Variants in OAS2 observed in about 807,000 individuals in gnomAD.
OAS2 encodes the protein 2'-5'-oligoadenylate synthase 2.
OAS2 carries 67 observed loss-of-function variants against 71.3 expected under a neutral mutation model. That is an observed-to-expected ratio of 0.94 (90% CI 0.77 to 1.15). OAS2 has a LOEUF of 1.15. OAS2 is among the 50% of genes most tolerant of loss of function. The pLI is 0.00. For synonymous variants in OAS2, 327 were observed against 321.8 expected (o/e 1.02, Z -0.17); for missense variants, 789 against 822.5 (o/e 0.96, Z 0.50).
rs1364941797 is a variant in OAS2, at chr12:113,005,355, T to C, written c.1468+133T>C. On this transcript the variant is annotated intron_variant, in intron 7 of 9. Transcript: ENST00000392583. The stretch of plus-strand genomic sequence containing the variant: ...TGGCCCCAGCAAGTGGCATTAGTCA[T>C]GGCAGTAATACTTCACACTTGTAGA... 7.3e-6 allele frequency: 6 copies of C among 822,970 alleles called. No homozygotes were observed. In the African/African-American group the frequency reaches 8.5e-5, roughly 12 times the overall value. The allele number at this position is 822,970 out of a possible 1,614,324, so 51.0% of individuals were successfully genotyped here.
intron 7 of OAS2, among the ~76,000 whole-genome samples, chr12:113,005,918 C>CAAAAA (rs138299398): frequency 5.7e-4 from 28 of 49,048 alleles, no homozygotes; most frequent in Non-Finnish European, 7.2e-4. Flanking sequence ...ACAACAACAA[C>CAAAAA]AAAAAAAAAA....
rs149407324 is a variant in OAS2 at position 113,005,062 on chromosome 12, T to C, written c.1308T>C (p.His436=). ...GGCACAAAATCGTCAAGGAAATCCATGAACAGCTGAAAGCCTTTTGGAGGG... is the reference window on the plus strand; with the variant it reads ...GGCACAAAATCGTCAAGGAAATCCACGAACAGCTGAAAGCCTTTTGGAGGG... The part of the protein sequence containing the change: ...NERHKIVKEI[H]EQLKAFWREK... Residue 436 remains histidine, a synonymous_variant, in exon 7 of 10, where the codon CAT becomes CAC. Coordinates refer to ENST00000392583, the MANE Select transcript of OAS2 (RefSeq NM_002535.3). 11 of 1,614,094 alleles carry C rather than the reference T, an allele frequency of 6.8e-6. No individual in the cohort carries two copies. The African/African-American group carries it at 1.2e-4, about 18-fold the overall frequency.
Position 113,003,107 on chromosome 12 carries a change from G to A in OAS2, c.1179+5G>A. On this transcript the variant is annotated splice_donor_5th_base_variant and intron_variant, in intron 6 of 9. Coordinates refer to ENST00000392583, the MANE Select transcript of OAS2 (RefSeq NM_002535.3). Reference sequence around the variant, plus strand: ...GCCAAGATCCAGATTGTCCGGGTGAGCACTGGCCTTTCTCATGTCTTGTTG... The same window carrying A: ...GCCAAGATCCAGATTGTCCGGGTGAACACTGGCCTTTCTCATGTCTTGTTG... The A allele has an allele frequency of 6.2e-7, 1 of 1,613,910 alleles. No homozygotes were observed. Among genetic ancestry groups the A allele is most frequent in the South Asian group, 1.1e-5 (1 of 91,038 alleles).
intron 2 of OAS2, chr12:112,988,230 T>G: frequency 1.0e-6 from 1 of 985,246 alleles, no homozygotes; most frequent in Non-Finnish European, 1.2e-6. Flanking sequence ...ATACCACTGT[T>G]AAGAAGAAAA....
chr12:112,986,911 G>T, intron 1 of OAS2, 127 bp from the exon 2 acceptor site: 1 of 1,257,980 alleles, frequency 7.9e-7, no homozygotes, highest in Non-Finnish European at 1.1e-6. Context: ...TGGGGCAAAT[G>T]GATGCCTGCC....
At position 113,009,692 on chromosome 12, in the gene OAS2, C is replaced by T. The variant is rs1297262774; in HGVS notation, c.*437C>T. 2.0e-5 allele frequency: 20 copies of T among 988,412 alleles called. No individual in the cohort carries two copies. In the Admixed American group the frequency reaches 1.1e-3, roughly 54 times the overall value. 61.2% of individuals were successfully genotyped at this position (988,412 alleles called of 1,614,324 possible). On this transcript the variant is annotated 3_prime_UTR_variant, in exon 10 of 10. Transcript: ENST00000392583. ...GAAGAAGGAAAAGATACCCAAAGGTCAAGAACACAGTGATTTTATTAGAAG... is the reference window on the plus strand; with the variant it reads ...GAAGAAGGAAAAGATACCCAAAGGTTAAGAACACAGTGATTTTATTAGAAG...
In OAS2 at chr12:112,987,213, T is replaced by C. The variant is rs1228631109; in HGVS notation, c.353T>C (p.Phe118Ser). ...TTCACGAAGTGGTTGAAAAACAATT[T>C]CGAGATCCAGAAGTCCCTTGATGGG... is the stretch of plus-strand genomic sequence containing the variant. ...CLFTKWLKNN[F>S]EIQKSLDGFT... Residue 118 changes from phenylalanine to serine, a missense_variant, in exon 2 of 10, where the codon TTC becomes TCC. Coordinates refer to ENST00000392583, the MANE Select transcript of OAS2 (RefSeq NM_002535.3). 6 of 1,614,054 alleles carry C rather than the reference T, an allele frequency of 3.7e-6. No homozygotes were observed. Among genetic ancestry groups the C allele is most frequent in the Non-Finnish European group, 5.1e-6 (6 of 1,180,036 alleles).
At chr12:113,004,304 A>G (rs2044312248) in intron 6 of OAS2, among the ~76,000 whole-genome samples, 1 of 152,196 alleles carries the variant, frequency 6.6e-6, no homozygotes, top group Admixed American at 6.5e-5. Context: ...TCCTTAACCC[A>G]TGTAATCAGG....
chr12:112,996,273 A>T (rs144192223), intron 3 of OAS2, among the ~76,000 whole-genome samples: 113 of 152,348 alleles, frequency 7.4e-4, no homozygotes, highest in African/African-American at 2.5e-3. Context: ...GTATTTCCCT[A>T]CATGTCTTTT....
intron 4 of OAS2, 121 bp downstream of exon 4, chr12:112,997,876 A>G: frequency 1.2e-6 from 1 of 813,620 alleles, no homozygotes; most frequent in Non-Finnish European, 1.9e-6. Flanking sequence ...AATGGCAGCC[A>G]CCATGGGTGG....
rs1180065255 is a variant in OAS2 at position 112,997,602 on chromosome 12, G to A, written c.710G>A (p.Cys237Tyr). 9.3e-6 allele frequency: 15 copies of A among 1,614,068 alleles called. No individual in the cohort carries two copies. Among genetic ancestry groups the A allele is most frequent in the Non-Finnish European group, 1.3e-5 (15 of 1,180,018 alleles). The change falls in exon 4 of 10, where the codon TGC becomes TAC. Residue 237 changes from cysteine (C) to tyrosine (Y), a missense_variant. Physicochemically the swap from Cys to Tyr is radical, Grantham distance 194 (BLOSUM62 -2). Transcript: ENST00000392583. Reference sequence around the variant, plus strand: ...ACGGTGTATGCCTGGGAACAGGGGTGCAGAAAAGACAACTTTGACATTGCT... The same window carrying A: ...ACGGTGTATGCCTGGGAACAGGGGTACAGAAAAGACAACTTTGACATTGCT... ...LLTVYAWEQG[C>Y]RKDNFDIAEG...
At chr12:112,986,144 A>G (rs780748719) in intron 1 of OAS2, among the ~76,000 whole-genome samples, 6 of 152,158 alleles carry the variant, frequency 3.9e-5, no homozygotes, top group African/African-American at 1.2e-4. Flanking sequence ...CTGACAGTGT[A>G]GTTGTTAATG....
At position 113,010,690 on chromosome 12, in the gene OAS2, A is replaced by AT. The variant is rs1357290133; in HGVS notation, c.*1436dup. ...CCTGCCTTTAAAAATAGTTGCTGTC[A>AT]TCCACTTTATGTGCATCTTATTTCT... On this transcript the variant is annotated 3_prime_UTR_variant, in exon 10 of 10. Transcript: ENST00000392583. 2.6e-5 allele frequency: 14 copies of AT among 544,116 alleles called. No individual in the cohort carries two copies. In the Middle Eastern group the frequency reaches 8.7e-4, roughly 34 times the overall value. The allele number at this position is 544,116 out of a possible 1,614,324, so 33.7% of individuals were successfully genotyped here.
intron 2 of OAS2, among the ~76,000 whole-genome samples, chr12:112,990,655 A>C (rs2044183121): frequency 6.6e-6 from 1 of 152,206 alleles, no homozygotes; most frequent in Non-Finnish European, 1.5e-5. Context: ...GGCCATTCCA[A>C]TATATGTCAA....
chr12:112,993,063 CT>C (rs979506101), intron 2 of OAS2, among the ~76,000 whole-genome samples: 5 of 152,114 alleles, frequency 3.3e-5, no homozygotes, highest in Non-Finnish European at 2.9e-5. Context: ...TTATAAGCTC[CT>C]TTTTCTGCAA....
At position 113,007,760 on chromosome 12, in the gene OAS2, T is replaced by C. The variant is rs747650665; in HGVS notation, c.1712T>C (p.Leu571Pro). The C allele has an allele frequency of 1.5e-5, 24 of 1,614,194 alleles. No homozygotes were observed. Among genetic ancestry groups the C allele is most frequent in the Middle Eastern group, 1.7e-4 (1 of 6,060 alleles). ...TTGCCCCCAAAGTATGCCTTGGAGC[T>C]GCTCACCATCTATGCCTGGGAGCAG... is the stretch of plus-strand genomic sequence containing the variant. ...GSLPPKYALE[L>P]LTIYAWEQGS... Residue 571 changes from leucine to proline, a missense_variant, in exon 9 of 10, where the codon CTG becomes CCG. Transcript: ENST00000392583.
At position 112,987,273 on chromosome 12, in the gene OAS2, T is replaced by A; in HGVS notation, c.413T>A (p.Ile138Asn). The A allele has an allele frequency of 6.2e-7, 1 of 1,613,998 alleles. No individual in the cohort carries two copies. The highest frequency in any genetic ancestry group is 8.5e-7 in the Non-Finnish European group (1 of 1,180,002). Residue 138 changes from isoleucine to asparagine, a missense_variant, in exon 2 of 10, where the codon ATC becomes AAC. Physicochemically the swap from Ile to Asn is moderately radical, Grantham distance 149. Coordinates refer to ENST00000392583, the MANE Select transcript of OAS2 (RefSeq NM_002535.3). ...CAGGTGTTCACAAAAAATCAGAGAATCTCTTTCGAGGTGCTGGCCGCCTTC... is the reference window on the plus strand; with the variant it reads ...CAGGTGTTCACAAAAAATCAGAGAAACTCTTTCGAGGTGCTGGCCGCCTTC... The part of the protein sequence containing the change: ...TIQVFTKNQR[I>N]SFEVLAAFNA...
rs1299740248 is a variant in OAS2, at chr12:112,987,309, G to A, written c.448+1G>A. 1 of 1,614,188 alleles carries A rather than the reference G, an allele frequency of 6.2e-7. No homozygotes were observed. Among genetic ancestry groups the A allele is most frequent in the Admixed American group, 1.7e-5 (1 of 60,026 alleles). On this transcript the variant is annotated splice_donor_variant, in intron 2 of 9. Transcript: ENST00000392583. LOFTEE classifies it high-confidence loss of function. ...GTGCTGGCCGCCTTCAACGCTCTGA[G>A]TAAGCATTGCTGGGTGTCAGGAGAG...
At chr12:113,002,078 T>C (rs1005971903) in intron 5 of OAS2, among the ~76,000 whole-genome samples, 2 of 152,098 alleles carry the variant, frequency 1.3e-5, no homozygotes, top group Non-Finnish European at 2.9e-5. Context: ...GGCTACCTGT[T>C]GGGTTCTATG....
Sources: allele counts gnomAD v4.1 joint callset (sites outside exome capture counted in the v4.1 genomes callset), GRCh38; gene constraint gnomAD v4.1.1; transcripts MANE v1.5; gene names NCBI Gene and HGNC (gene_info 2026-07-23, HGNC 2026-07-21).